MME: variants seen among roughly 807,000 people sequenced by gnomAD.
MME encodes membrane metalloendopeptidase, also known as neprilysin.
Under a neutral mutation model 113.2 loss-of-function variants are expected in MME, and 98 were observed. The observed-to-expected ratio is 0.87, with a 90% confidence interval of 0.74 to 1.02. MME has a LOEUF of 1.02. Among genes scored for constraint, MME ranks in the 50% least tolerant of loss-of-function variants. MME has a pLI of 0.00. For missense variants in MME, 836 were observed against 896.0 expected (o/e 0.93, Z 0.86); for synonymous variants, 292 against 300.6 (o/e 0.97, Z 0.30).
chr3:155,145,995 A>C (rs1721473918), intron 14 of MME, among the ~76,000 whole-genome samples: 1 of 152,154 alleles, frequency 6.6e-6, no homozygotes, highest in Non-Finnish European at 1.5e-5. Flanking sequence ...AACTGCATCC[A>C]TTTGATGGGA....
At chr3:155,149,924 A>T (rs7626284) in intron 16 of MME, among the ~76,000 whole-genome samples, 1,999 of 152,308 alleles carry the variant, frequency 0.013, 45 homozygotes, top group African/African-American at 0.045. Flanking sequence ...TAGAATGTTT[A>T]GTGTCCCATC....
intron 7 of MME, among the ~76,000 whole-genome samples, chr3:155,117,475 G>T (rs1718718061): frequency 6.6e-6 from 1 of 151,830 alleles, no homozygotes; most frequent in African/African-American, 2.4e-5. Context: ...CTTTTAAAAT[G>T]GATTTATTGT....
Position 155,037,885 on chromosome 3 carries a change from AAG to A in MME, c.-11+13566_-11+13567del, listed in dbSNP as rs1251166397. Among the ~76,000 whole-genome samples the A allele has an allele frequency of 2.6e-5, 4 of 152,270 alleles. No homozygotes were observed. In the East Asian group the frequency reaches 5.8e-4, roughly 22 times the overall value. On this transcript the variant is annotated intron_variant, in intron 1 of 22. Coordinates refer to the MME transcript ENST00000492661. ...TAGAGTGAATTCAAGAGTGAATAAA[AAG>A]AGAGGAAATGGAGACAATGAGTATA...
intron 1 of MME, among the ~76,000 whole-genome samples, chr3:155,034,389 T>C (rs1713065807): frequency 6.6e-6 from 1 of 152,204 alleles, no homozygotes; most frequent in South Asian, 2.1e-4. Flanking sequence ...ATTTCCTTTA[T>C]ACCTAAAAAC....
In MME at chr3:155,088,696, AAAAG is replaced by A. The variant is rs1402913769; in HGVS notation, c.196+3606_196+3609del. Among the ~76,000 whole-genome samples, 4 of 151,780 alleles carry A rather than the reference AAAAG, an allele frequency of 2.6e-5. No individual in the cohort carries two copies. In the East Asian group the frequency reaches 7.7e-4, roughly 29 times the overall value. ...GAAACTCCATCTCAAAAAAAAAAAAAAAAGAAAAGAAAGAAATATGAAAAGAGAG... is the reference window on the plus strand; with the variant it reads ...GAAACTCCATCTCAAAAAAAAAAAAAAAAAGAAAGAAATATGAAAAGAGAG... On this transcript the variant is annotated intron_variant, in intron 3 of 22. Coordinates refer to ENST00000360490, the MANE Select transcript of MME (RefSeq NM_007289.4).
At chr3:155,101,951 AAC>A (rs1717268824) in intron 3 of MME, among the ~76,000 whole-genome samples, 1 of 152,208 alleles carries the variant, frequency 6.6e-6, no homozygotes, top group Non-Finnish European at 1.5e-5. Flanking sequence ...TTTGTATGCC[AAC>A]ACAGACAGCG....
chr3:155,109,105 G>A (rs916602991), intron 3 of MME, among the ~76,000 whole-genome samples: 8 of 152,094 alleles, frequency 5.3e-5, no homozygotes, highest in Non-Finnish European at 1.0e-4. Flanking sequence ...AATGTTTCTT[G>A]GCCATCAGAA....
Position 155,084,920 on chromosome 3 carries a change from A to G in MME, c.161-139A>G, listed in dbSNP as rs903733696. 7 of 517,314 alleles carry G rather than the reference A, an allele frequency of 1.4e-5. No homozygotes were observed. In the South Asian group the frequency reaches 2.4e-4, roughly 18 times the overall value. 32.0% of individuals were successfully genotyped at this position (517,314 alleles called of 1,614,324 possible). On this transcript the variant is annotated intron_variant, in intron 2 of 22. Transcript: ENST00000360490. ...CTTATATTTTTTCTAACCACTGACA[A>G]TGATATATAATGTTCAGTTTTTAGT...
At chr3:155,063,242 TATA>T (rs1008498296) in intron 1 of MME, among the ~76,000 whole-genome samples, 24 of 118,164 alleles carry the variant, frequency 2.0e-4, no homozygotes, top group South Asian at 4.7e-4. Context: ...TTATATATTA[TATA>T]ATAATATACA....
intron 3 of MME, among the ~76,000 whole-genome samples, chr3:155,100,699 G>T (rs971067934): frequency 1.3e-5 from 2 of 152,120 alleles, no homozygotes; most frequent in African/African-American, 4.8e-5. Flanking sequence ...CTCATATCAT[G>T]CAAATATGAA....
rs532710798 is a variant in MME at position 155,182,078 on chromosome 3, C to A, written c.*1619C>A. On this transcript the variant is annotated 3_prime_UTR_variant, in exon 23 of 23. Transcript: ENST00000360490. ...GCGCTCTAAAAGCACCTCCTTGTCA[C>A]TTTATTACTCCCAGAACAACAACTA... The A allele has an allele frequency of 6.6e-6, 1 of 152,300 alleles. No homozygotes were observed. The highest frequency in any genetic ancestry group is 2.1e-4 in the South Asian group (1 of 4,830). 9.4% of individuals were successfully genotyped at this position (152,300 alleles called of 1,614,324 possible).
intron 8 of MME, among the ~76,000 whole-genome samples, chr3:155,137,357 T>C (rs1373295530): frequency 1.3e-5 from 2 of 152,098 alleles, no homozygotes; most frequent in African/African-American, 4.8e-5. Flanking sequence ...GAGTTTGTGG[T>C]CATTTTTCCA....
At chr3:155,036,239 AG>A (rs1302131450) in intron 1 of MME, among the ~76,000 whole-genome samples, 8 of 152,220 alleles carry the variant, frequency 5.3e-5, no homozygotes, top group Admixed American at 5.2e-4. Context: ...TGAATCTGTT[AG>A]ATTCTTTTTA....
intron 1 of MME, among the ~76,000 whole-genome samples, chr3:155,024,984 T>TC (rs1477071839): frequency 6.6e-6 from 1 of 152,166 alleles, no homozygotes; most frequent in Non-Finnish European, 1.5e-5. Flanking sequence ...TGTGATTTTT[T>TC]CAACTTGGAG....
At chr3:155,174,058 G>T (rs1381253007) in intron 22 of MME, among the ~76,000 whole-genome samples, 6 of 151,896 alleles carry the variant, frequency 4.0e-5, no homozygotes, top group Non-Finnish European at 7.4e-5. Context: ...AACAGAATAA[G>T]AATTCTTATG....
intron 1 of MME, among the ~76,000 whole-genome samples, chr3:155,059,946 T>C (rs1338145096): frequency 6.6e-6 from 1 of 152,114 alleles, no homozygotes; most frequent in Non-Finnish European, 1.5e-5. Flanking sequence ...GGTTGCTGAG[T>C]AGATTTTGTT....
chr3:155,059,107 T>C (rs1714044665), intron 1 of MME, among the ~76,000 whole-genome samples: 2 of 151,722 alleles, frequency 1.3e-5, no homozygotes, highest in South Asian at 4.2e-4. Context: ...TACAAAAAAT[T>C]ACCCAGGCAT....
chr3:155,110,778 C>T (rs1006155743), intron 3 of MME, among the ~76,000 whole-genome samples: 6 of 152,168 alleles, frequency 3.9e-5, no homozygotes, highest in Admixed American at 3.3e-4. Context: ...TAAACACACT[C>T]TTAATCCCTC....
In MME at chr3:155,144,248, C is replaced by T. The variant is rs192357546; in HGVS notation, c.1318-111C>T. On this transcript the variant is annotated intron_variant, in intron 13 of 22. Transcript: ENST00000360490. The stretch of plus-strand genomic sequence containing the variant: ...AGGTCACAGTTTGTCTATAAATTTA[C>T]GTTTATTAACATATTAAGTCATACA... 5.2e-4 allele frequency: 389 copies of T among 754,884 alleles called. 5 individuals are homozygous for T. In the East Asian group the frequency reaches 6.3e-3, roughly 12 times the overall value. The allele number at this position is 754,884 out of a possible 1,614,324, so 46.8% of individuals were successfully genotyped here.
Sources: allele counts gnomAD v4.1 joint callset (sites outside exome capture counted in the v4.1 genomes callset), GRCh38; gene constraint gnomAD v4.1.1; transcripts MANE v1.5; gene names NCBI Gene and HGNC (gene_info 2026-07-23, HGNC 2026-07-21).